Variants in DSCAM observed in about 807,000 individuals in gnomAD.
DSCAM encodes the protein cell adhesion molecule DSCAM.
Under a neutral mutation model 217.7 loss-of-function variants are expected in DSCAM, and 47 were observed. The observed-to-expected ratio is 0.22, with a 90% CI of 0.17 to 0.28. DSCAM has a LOEUF of 0.28. Ranked by LOEUF, DSCAM falls within the 10% of genes least tolerant of loss-of-function variation. The pLI, the probability that DSCAM is intolerant of heterozygous loss-of-function variation, is 1.00. For missense variants in DSCAM, 2,080 were observed against 2,618.3 expected, an observed-to-expected ratio of 0.79 and a Z score of 4.49; for synonymous variants, 1,056 against 1,015.3, an observed-to-expected ratio of 1.04 and a Z score of -0.76.
chr21:40,657,744 A>G (rs1333677576), intron 3 of DSCAM, among the ~76,000 whole-genome samples: 2 of 152,132 alleles, frequency 1.3e-5, no homozygotes, highest in Non-Finnish European at 2.9e-5. Flanking sequence ...AAAGTGATAC[A>G]TTTCTATTTG....
intron 3 of DSCAM, among the ~76,000 whole-genome samples, chr21:40,473,830 A>G (rs950441255): frequency 3.9e-5 from 6 of 152,176 alleles, no homozygotes; most frequent in African/African-American, 1.4e-4. Context: ...ACGTTAGGAC[A>G]CAGAGAGGAG....
At chr21:40,667,925 T>G (rs746372533) in intron 3 of DSCAM, among the ~76,000 whole-genome samples, 31 of 152,198 alleles carry the variant, frequency 2.0e-4, no homozygotes, top group Non-Finnish European at 3.7e-4. Context: ...GAATTTAATT[T>G]CTTTGGTTTG....
chr21:40,794,117 T>A (rs2123474454), intron 1 of DSCAM, among the ~76,000 whole-genome samples: 1 of 152,320 alleles, frequency 6.6e-6, no homozygotes, highest in East Asian at 1.9e-4. Context: ...TTAATAGAGC[T>A]CATACTGCAA....
At chr21:40,421,580 T>A (rs1195189015) in intron 3 of DSCAM, among the ~76,000 whole-genome samples, 1 of 152,208 alleles carries the variant, frequency 6.6e-6, no homozygotes, top group African/African-American at 2.4e-5. Flanking sequence ...GAGGTGTATG[T>A]TGAAAAATAA....
chr21:40,139,013 GGTGTGTGTGTA>G (rs1434084431), intron 18 of DSCAM, among the ~76,000 whole-genome samples: 40 of 146,292 alleles, frequency 2.7e-4, no homozygotes, highest in African/African-American at 6.4e-4. Flanking sequence ...GTGTATGTGT[GGTGTGTGTGTA>G]GTGTGTGTGT....
chr21:40,668,875 G>A (rs896602203), intron 3 of DSCAM, among the ~76,000 whole-genome samples: 14 of 140,594 alleles, frequency 1.0e-4, no homozygotes, highest in African/African-American at 3.2e-4. Flanking sequence ...TCAAAAGATA[G>A]TGATTGGGAA....
intron 11 of DSCAM, among the ~76,000 whole-genome samples, chr21:40,271,680 A>G (rs1180345788): frequency 6.6e-6 from 1 of 152,202 alleles, no homozygotes; most frequent in African/African-American, 2.4e-5. Flanking sequence ...GATGGCTACA[A>G]GATGAAAAGC....
chr21:40,418,208 G>C (rs930789194), intron 3 of DSCAM, among the ~76,000 whole-genome samples: 8 of 152,146 alleles, frequency 5.3e-5, no homozygotes, highest in African/African-American at 1.9e-4. Context: ...GTGTTTGGCA[G>C]GAGATTTCAA....
chr21:40,419,622 T>C (rs372556703), intron 3 of DSCAM, among the ~76,000 whole-genome samples: 4 of 152,222 alleles, frequency 2.6e-5, no homozygotes, highest in African/African-American at 9.6e-5. Flanking sequence ...ACCACTCACA[T>C]ATAATTTCTG....
At chr21:40,372,952 T>C (rs1363863607) in intron 3 of DSCAM, among the ~76,000 whole-genome samples, 2 of 152,154 alleles carry the variant, frequency 1.3e-5, no homozygotes, top group Non-Finnish European at 2.9e-5. Flanking sequence ...GTGGGATATT[T>C]CTATGTAGGG....
intron 1 of DSCAM, among the ~76,000 whole-genome samples, chr21:40,723,194 G>A (rs993763030): frequency 1.3e-5 from 2 of 151,626 alleles, no homozygotes; most frequent in Non-Finnish European, 2.9e-5. Flanking sequence ...GAAACTGTGA[G>A]TAGAAAAAAT....
In DSCAM at chr21:40,781,992, CAAAA is replaced by C. The variant is rs57750960; in HGVS notation, c.43+64623_43+64626del. Among the ~76,000 whole-genome samples, 155 of 106,378 alleles carry C rather than the reference CAAAA, an allele frequency of 1.5e-3. 1 individual carries two copies. The highest frequency in any genetic ancestry group is 1.9e-3 in the Non-Finnish European group (107 of 57,142). The allele number at this position is 106,378 out of a possible 152,430, so 69.8% of individuals were successfully genotyped here. A position where few individuals can be genotyped will look rare whatever the true frequency, so the allele number is the denominator to read the frequency against. Reference sequence around the variant, plus strand: ...TGAAACCCCATCTCTACTAAAAATACAAAAAAAAAAAAAAAAAAGAAAAAAAAAA... The same window carrying C: ...TGAAACCCCATCTCTACTAAAAATACAAAAAAAAAAAAAAGAAAAAAAAAA... On this transcript the variant is annotated intron_variant, in intron 1 of 32. Transcript: ENST00000400454.
chr21:40,056,861 C>T (rs2089032919), intron 28 of DSCAM, among the ~76,000 whole-genome samples: 1 of 152,174 alleles, frequency 6.6e-6, no homozygotes, highest in Non-Finnish European at 1.5e-5. Flanking sequence ...TAGGAATACT[C>T]AATGCTACAT....
chr21:40,459,405 A>G (rs1196099803), intron 3 of DSCAM, among the ~76,000 whole-genome samples: 1 of 152,228 alleles, frequency 6.6e-6, no homozygotes, highest in Non-Finnish European at 1.5e-5. Context: ...TAAAAAGTTC[A>G]TGAGAACCAA....
chr21:40,599,426 T>C (rs1182138478), intron 3 of DSCAM, among the ~76,000 whole-genome samples: 1 of 152,148 alleles, frequency 6.6e-6, no homozygotes, highest in African/African-American at 2.4e-5. Context: ...CCTGTGTCCA[T>C]GTGTTATCAT....
At chr21:40,426,366 CA>C (rs2075475217) in intron 3 of DSCAM, among the ~76,000 whole-genome samples, 1 of 152,182 alleles carries the variant, frequency 6.6e-6, no homozygotes, top group East Asian at 1.9e-4. Flanking sequence ...TTTCATTGGC[CA>C]TTCAGTAATT....
chr21:40,727,734 A>G (rs1333857948), intron 1 of DSCAM, among the ~76,000 whole-genome samples: 1 of 152,096 alleles, frequency 6.6e-6, no homozygotes, highest in African/African-American at 2.4e-5. Flanking sequence ...AGTGAGAGTG[A>G]TCCAGTTAAG....
intron 3 of DSCAM, among the ~76,000 whole-genome samples, chr21:40,500,838 G>A (rs533202739): frequency 3.9e-5 from 6 of 152,188 alleles, no homozygotes; most frequent in Non-Finnish European, 7.3e-5. Context: ...CTCCCATTGT[G>A]GAACCTGGTA....
At position 40,474,095 on chromosome 21, in the gene DSCAM, C is replaced by G. The variant is rs138347837; in HGVS notation, c.509-104850G>C. On this transcript the variant is annotated intron_variant, in intron 3 of 32. Transcript: ENST00000400454. ...ATCACCTGAGGTCAGGAGTTCAAGACCAGCCTGGCCAACATGGTGAAACCA... is the reference window on the plus strand; with the variant it reads ...ATCACCTGAGGTCAGGAGTTCAAGAGCAGCCTGGCCAACATGGTGAAACCA... Among the ~76,000 whole-genome samples, 2,295 of 152,092 alleles carry G rather than the reference C, an allele frequency of 0.015. 102 individuals carry two copies. In the East Asian group the frequency reaches 0.16, roughly 11 times the overall value.
Sources: allele counts gnomAD v4.1 joint callset (sites outside exome capture counted in the v4.1 genomes callset), GRCh38; gene constraint gnomAD v4.1.1; transcripts MANE v1.5; gene names NCBI Gene and HGNC (gene_info 2026-07-23, HGNC 2026-07-21).